The following ZNF721 variants were observed in gnomAD, a reference collection of about 807,000 sequenced individuals.
ZNF721 encodes zinc finger protein 721.
Under a neutral mutation model 2.4 loss-of-function variants are expected in ZNF721, and 2 were observed. That is an observed-to-expected ratio of 0.82 (90% confidence interval 0.34 to 2.58). The LOEUF (loss-of-function observed/expected upper bound fraction) is 2.58, where lower values mean the gene tolerates loss of function less well. Ranked by LOEUF, ZNF721 falls within the 30% of genes most tolerant of loss-of-function variation. The pLI, the probability that ZNF721 is intolerant of heterozygous loss-of-function variation, is 0.11. For synonymous variants in ZNF721, 398 were observed against 381.8 expected, an observed-to-expected ratio of 1.04 and a Z score of -0.50; for missense variants, 1,187 against 1,085.5, an observed-to-expected ratio of 1.09 and a Z score of -1.31.
rs781930669 is a variant in ZNF721, at chr4:444,089, T to A, written c.378A>T (p.Gln126His). The A allele has an allele frequency of 1.2e-6, 2 of 1,614,206 alleles. No individual in the cohort carries two copies. The highest frequency in any genetic ancestry group is 8.5e-7 in the Non-Finnish European group (1 of 1,180,012). The change falls in exon 3 of 3, where the codon CAA (glutamine) becomes CAT (histidine). Residue 126 changes from glutamine to histidine, a missense_variant. Physicochemically the swap from Gln to His is conservative, Grantham distance 24 (BLOSUM62 0). Coordinates refer to ENST00000511833, the MANE Select transcript of ZNF721 (RefSeq NM_133474.4). Reference protein sequence around the residue: ...KSFQKFSDLTQHKGIHAGEKP... With the variant: ...KSFQKFSDLTHHKGIHAGEKP... ...TCTCTCCAGCATGAATTCCTTTATGTTGAGTTAGGTCTGAGAACTTCTGAA... is the reference window on the plus strand; with the variant it reads ...TCTCTCCAGCATGAATTCCTTTATGATGAGTTAGGTCTGAGAACTTCTGAA...
At chr4:448,646 A>C (rs1553864466) in intron 2 of ZNF721, among the ~76,000 whole-genome samples, 3 of 152,198 alleles carry the variant, frequency 2.0e-5, no homozygotes, top group African/African-American at 7.2e-5. Context: ...AACAATCTTC[A>C]AAAAGAGAAG....
At chr4:464,075 C>G (rs1379136931) in intron 2 of ZNF721, among the ~76,000 whole-genome samples, 2 of 151,850 alleles carry the variant, frequency 1.3e-5, no homozygotes, top group Admixed American at 1.3e-4. Context: ...AAGAAGGAAC[C>G]AAGGAGATAT....
chr4:444,479 T>A, intron 2 of ZNF721, 47 bp from the exon 3 acceptor site: 1 of 1,486,322 alleles, frequency 6.7e-7, no homozygotes, highest in Non-Finnish European at 9.0e-7. Context: ...TAGATTCATA[T>A]GCATATACTT....
chr4:446,399 G>A (rs1210725810), intron 2 of ZNF721, among the ~76,000 whole-genome samples: 1 of 68,042 alleles, frequency 1.5e-5, no homozygotes, highest in African/African-American at 5.4e-5. Context: ...TTTTTTTTTT[G>A]AGACAGAGTC....
intron 2 of ZNF721, among the ~76,000 whole-genome samples, chr4:451,522 C>G (rs1309794992): frequency 3.9e-5 from 6 of 152,180 alleles, no homozygotes; most frequent in Non-Finnish European, 8.8e-5. Flanking sequence ...GACTCTGGAG[C>G]CCAGGCTGTT....
intron 1 of ZNF721, among the ~76,000 whole-genome samples, chr4:488,828 C>CA (rs1157820149): frequency 1.3e-4 from 20 of 148,794 alleles, no homozygotes; most frequent in Admixed American, 2.7e-4. Flanking sequence ...TACTCCATCT[C>CA]AAAAAAAAAT....
Position 442,395 on chromosome 4 carries a change from T to C in ZNF721, c.2072A>G (p.His691Arg). 3 of 1,613,900 alleles carry C rather than the reference T, an allele frequency of 1.9e-6. No homozygotes were observed. The highest frequency in any genetic ancestry group is 2.5e-6 in the Non-Finnish European group (3 of 1,179,880). ...SIALNQHKKI[H>R]TGEKPYKCEE... ...ACATTTGTAAGGTTTTTCTCCAGTA[T>C]GAATTTTCTTGTGTTGATTCAGGGC... Residue 691 changes from histidine (H) to arginine (R), a missense_variant, in exon 3 of 3, where the codon CAT (histidine) becomes CGT (arginine). Physicochemically the swap from His to Arg is conservative, Grantham distance 29. Coordinates refer to ENST00000511833, the MANE Select transcript of ZNF721 (RefSeq NM_133474.4).
At chr4:497,039 G>A (rs1001034636) in intron 1 of ZNF721, among the ~76,000 whole-genome samples, 1 of 151,948 alleles carries the variant, frequency 6.6e-6, no homozygotes, top group Admixed American at 6.5e-5. Context: ...CTAAGTGTAA[G>A]CAGAAATAAA....
Position 441,849 on chromosome 4 carries a change from G to A in ZNF721, c.2618C>T (p.Thr873Ile). 2 of 1,613,948 alleles carry A rather than the reference G, an allele frequency of 1.2e-6. No homozygotes were observed. Among genetic ancestry groups the A allele is most frequent in the South Asian group, 2.2e-5 (2 of 91,076 alleles). Residue 873 changes from threonine to isoleucine, a missense_variant, in exon 3 of 3, where the codon ACC becomes ATC. Coordinates refer to ENST00000511833, the MANE Select transcript of ZNF721 (RefSeq NM_133474.4). ...KPYTCGECGK[T>I]FRQSANLYAH... ...ATAAAGATTTGCAGACTGTCTAAAG[G>A]TTTTGCCACATTCTCCACATGTGTA...
intron 1 of ZNF721, among the ~76,000 whole-genome samples, chr4:474,762 G>C (rs1715581432): frequency 6.6e-6 from 1 of 151,980 alleles, no homozygotes; most frequent in African/African-American, 2.4e-5. Flanking sequence ...TGTAATCCCA[G>C]CTACTCATGA....
At chr4:453,239 A>T (rs1320965773) in intron 2 of ZNF721, among the ~76,000 whole-genome samples, 3 of 152,234 alleles carry the variant, frequency 2.0e-5, no homozygotes, top group African/African-American at 7.2e-5. Flanking sequence ...GCTATTTAGG[A>T]GGAGGCCAGA....
chr4:463,486 G>T (rs1715133793), intron 2 of ZNF721, among the ~76,000 whole-genome samples: 1 of 152,144 alleles, frequency 6.6e-6, no homozygotes, highest in Non-Finnish European at 1.5e-5. Context: ...GTTTACAGTA[G>T]CAAAGATTTG....
Position 451,455 on chromosome 4 carries a change from CT to C in ZNF721, c.35-7024del, listed in dbSNP as rs1553864860. 5.7e-4 allele frequency among the ~76,000 whole-genome samples: 86 copies of C among 152,144 alleles called. 1 individual carries two copies. The highest frequency in any genetic ancestry group is 1.1e-3 in the Non-Finnish European group (76 of 68,038). On this transcript the variant is annotated intron_variant, in intron 2 of 2. Coordinates refer to ENST00000511833, the MANE Select transcript of ZNF721 (RefSeq NM_133474.4). Reference sequence around the variant, plus strand: ...AACTCATTACAAAAATAGCTAGGGTCTCATAGCATGACGAAGCTTCATGAGA... The same window carrying C: ...AACTCATTACAAAAATAGCTAGGGTCCATAGCATGACGAAGCTTCATGAGA...
intron 1 of ZNF721, among the ~76,000 whole-genome samples, chr4:480,755 C>A (rs1553869332): frequency 6.8e-6 from 1 of 148,142 alleles, no homozygotes; most frequent in African/African-American, 2.5e-5. Context: ...TATTCCACTG[C>A]ATGCATATGC....
At chr4:463,462 T>C (rs1553866338) in intron 2 of ZNF721, among the ~76,000 whole-genome samples, 1 of 152,202 alleles carries the variant, frequency 6.6e-6, no homozygotes, top group East Asian at 1.9e-4. Context: ...AACACGTATT[T>C]TTATTGCAGC....
intron 2 of ZNF721, among the ~76,000 whole-genome samples, chr4:472,325 G>A (rs1168738894): frequency 6.6e-6 from 1 of 152,212 alleles, no homozygotes; most frequent in Non-Finnish European, 1.5e-5. Flanking sequence ...CTCCCAAAGT[G>A]CTGGGATTAC....
intron 1 of ZNF721, among the ~76,000 whole-genome samples, chr4:485,757 T>C (rs1323299062): frequency 2.0e-5 from 3 of 152,040 alleles, no homozygotes; most frequent in South Asian, 2.1e-4. Flanking sequence ...GGGCGGATCA[T>C]GAGGTCAAGA....
intron 1 of ZNF721, among the ~76,000 whole-genome samples, chr4:473,081 T>A (rs973207932): frequency 6.6e-6 from 1 of 151,918 alleles, no homozygotes; most frequent in East Asian, 1.9e-4. Context: ...CCCAGAACAA[T>A]AGACAGGATG....
At chr4:463,391 T>C (rs1405390051) in intron 2 of ZNF721, among the ~76,000 whole-genome samples, 2 of 152,128 alleles carry the variant, frequency 1.3e-5, no homozygotes, top group African/African-American at 4.8e-5. Context: ...TTTGACCCCA[T>C]AATCCCATTA....
Sources: gnomAD v4.1 joint callset for allele counts (sites outside exome capture counted in the v4.1 genomes callset) on GRCh38, gnomAD v4.1.1 for gene constraint, MANE v1.5 for transcripts, NCBI Gene and HGNC (gene_info 2026-07-23, HGNC 2026-07-21) for gene names.